Variants in COPS7B observed in about 807,000 individuals in gnomAD.
COPS7B encodes COP9 signalosome subunit 7B.
In COPS7B, 9 loss-of-function variants were observed where a neutral mutation model predicts 33.4. The observed-to-expected ratio is 0.27, with a 90% CI of 0.16 to 0.47. COPS7B has a LOEUF of 0.47. Ranked by LOEUF, COPS7B falls within the 20% of genes least tolerant of loss-of-function variation. The pLI, the probability that COPS7B is intolerant of heterozygous loss-of-function variation, is 0.99. For missense variants in COPS7B, 242 were observed against 318.2 expected (o/e 0.76, Z 1.82); for synonymous variants, 119 against 126.3 (o/e 0.94, Z 0.39).
At chr2:231,792,990 A>T (rs1447948757) in intron 3 of COPS7B, among the ~76,000 whole-genome samples, 1 of 152,024 alleles carries the variant, frequency 6.6e-6, no homozygotes, top group Non-Finnish European at 1.5e-5. Flanking sequence ...GTTCCAGGGA[A>T]TGTGTTCTGT....
In COPS7B at chr2:231,808,057, G is replaced by A. The variant is rs2049946880; in HGVS notation, c.*412G>A. On this transcript the variant is annotated 3_prime_UTR_variant, in exon 7 of 7. Coordinates refer to ENST00000350033, the MANE Select transcript of COPS7B (RefSeq NM_022730.4). ...AGGAGGCCCCTCCCCTTGTGAGGAG[G>A]GGGCACTCCTCTCCAGCCCCTGGTA... is the stretch of plus-strand genomic sequence containing the variant. 1 of 194,666 alleles carries A rather than the reference G, an allele frequency of 5.1e-6. No homozygotes were observed. The highest frequency in any genetic ancestry group is 1.1e-5 in the Non-Finnish European group (1 of 94,862). The allele number at this position is 194,666 out of a possible 1,614,324, so 12.1% of individuals were successfully genotyped here. A position where few individuals can be genotyped will look rare whatever the true frequency, so the allele number is the denominator to read the frequency against.
chr2:231,792,871 G>A (rs2049458364), intron 3 of COPS7B, among the ~76,000 whole-genome samples: 1 of 152,064 alleles, frequency 6.6e-6, no homozygotes, highest in Admixed American at 6.6e-5. Context: ...CCTTCGCTGC[G>A]ATATCCCTGA....
chr2:231,795,328 G>T (rs2049536916), intron 4 of COPS7B, among the ~76,000 whole-genome samples: 1 of 152,198 alleles, frequency 6.6e-6, no homozygotes, highest in Non-Finnish European at 1.5e-5. Context: ...CTCCCAAAGT[G>T]TTGGGATTAC....
chr2:231,792,363 G>C (rs1330890610), intron 3 of COPS7B: 1 of 251,064 alleles, frequency 4.0e-6, no homozygotes, highest in Non-Finnish European at 7.9e-6. Context: ...GTGGTGGTGG[G>C]CGCCTGTAAT....
chr2:231,788,906 C>T (rs555222022), intron 2 of COPS7B, 174 bp downstream of exon 2: 1 of 550,434 alleles, frequency 1.8e-6, no homozygotes, highest in African/African-American at 1.9e-5. Context: ...CTCCTTTTAT[C>T]CAGTATTTTT....
intron 2 of COPS7B, chr2:231,789,713 C>T (rs1022260817): frequency 1.3e-5 from 2 of 152,316 alleles, no homozygotes; most frequent in African/African-American, 2.4e-5. Context: ...ACCACAACAC[C>T]TTTGCTGTTG....
chr2:231,792,038 CTTGT>C, intron 3 of COPS7B: 1 of 665,840 alleles, frequency 1.5e-6, no homozygotes, highest in Non-Finnish European at 2.8e-6. Context: ...AAATGTAGCC[CTTGT>C]TTGTTTTCCA....
chr2:231,803,083 T>C (rs117784023), intron 6 of COPS7B, among the ~76,000 whole-genome samples: 4 of 152,340 alleles, frequency 2.6e-5, no homozygotes, highest in East Asian at 3.9e-4. Context: ...AGCAGTCTTA[T>C]TGGAGGAGTG....
At chr2:231,798,711 G>A (rs1410107738) in intron 5 of COPS7B, 148 bp from the exon 6 acceptor site, 3 of 629,334 alleles carry the variant, frequency 4.8e-6, no homozygotes, top group Non-Finnish European at 8.5e-6. Flanking sequence ...CTTTGGGAAG[G>A]AGTGAACGGG....
At chr2:231,781,711 T>G, upstream of COPS7B, 1 of 822,166 alleles carries the variant, frequency 1.2e-6, no homozygotes. Context: ...TAACTTAGAC[T>G]CCAGTGTGCC....
chr2:231,800,740 G>A (rs890978837), intron 6 of COPS7B, among the ~76,000 whole-genome samples: 2 of 152,188 alleles, frequency 1.3e-5, no homozygotes, highest in African/African-American at 4.8e-5. Flanking sequence ...TGGCGGTAAG[G>A]ATTTAAGTTT....
At chr2:231,798,827 C>T (rs550212349) in intron 5 of COPS7B, 32 bp from the exon 6 acceptor site, 3 of 1,579,166 alleles carry the variant, frequency 1.9e-6, no homozygotes, top group East Asian at 2.2e-5. Context: ...CCAGGCCATT[C>T]TGCAGCTCAG....
chr2:231,786,563 C>A lies in COPS7B; in HGVS notation c.-17+25C>A, dbSNP rs1349325826. On this transcript the variant is annotated intron_variant, in intron 1 of 6. Coordinates refer to ENST00000350033, the MANE Select transcript of COPS7B (RefSeq NM_022730.4). ...GGTAGGAGCTAGCGAGAGGGTGGGC[C>A]GAGCGGGGCCGGCGCTCCAGGCTCG... 1.0e-5 allele frequency: 10 copies of A among 962,540 alleles called. No homozygotes were observed. The East Asian group carries it at 1.0e-3, about 100-fold the overall frequency. 59.6% of individuals were successfully genotyped at this position (962,540 alleles called of 1,614,324 possible). A position where few individuals can be genotyped will look rare whatever the true frequency, so the allele number is the denominator to read the frequency against.
At position 231,786,490 on chromosome 2, in the gene COPS7B, C is replaced by G; in HGVS notation, c.-65C>G. The G allele has an allele frequency of 1.0e-6, 1 of 985,912 alleles. No homozygotes were observed. Among genetic ancestry groups the G allele is most frequent in the African/African-American group, 1.7e-5 (1 of 57,358 alleles). 61.1% of individuals were successfully genotyped at this position (985,912 alleles called of 1,614,324 possible). The stretch of plus-strand genomic sequence containing the variant: ...ACGCTTGACAACCTGCGGGCAGGCG[C>G]CGGGAGGCCGAGCCAGCGACTAAGA... On this transcript the variant is annotated 5_prime_UTR_variant, in exon 1 of 7. Coordinates refer to ENST00000350033, the MANE Select transcript of COPS7B (RefSeq NM_022730.4).
chr2:231,795,972 C>T, intron 4 of COPS7B, 134 bp from the exon 5 acceptor site: 1 of 667,294 alleles, frequency 1.5e-6, no homozygotes, highest in Admixed American at 2.7e-5. Context: ...CTCTTGTTGC[C>T]CTAGCTATTA....
intron 6 of COPS7B, chr2:231,801,300 A>G (rs561091581): frequency 1.1e-5 from 17 of 1,529,224 alleles, no homozygotes; most frequent in South Asian, 7.4e-5. Flanking sequence ...CTTTTGTGGA[A>G]ATAACCCATA....
chr2:231,788,007 G>A (rs994893059), intron 1 of COPS7B, among the ~76,000 whole-genome samples: 6 of 152,204 alleles, frequency 3.9e-5, no homozygotes, highest in African/African-American at 1.4e-4. Context: ...CTGGAGGAGG[G>A]ACAGGTGGAA....
chr2:231,791,649 C>A, intron 2 of COPS7B, 84 bp from the exon 3 acceptor site: 1 of 1,157,968 alleles, frequency 8.6e-7, no homozygotes, highest in Non-Finnish European at 1.3e-6. Context: ...GCATCTTTGA[C>A]ACATGCTCAC....
chr2:231,804,872 A>G (rs2049846842), intron 6 of COPS7B, among the ~76,000 whole-genome samples: 1 of 152,348 alleles, frequency 6.6e-6, no homozygotes, highest in South Asian at 2.1e-4. Flanking sequence ...GGTAACTGAC[A>G]TGCAAATAAA....
Sources: gnomAD v4.1 joint callset for allele counts (sites outside exome capture counted in the v4.1 genomes callset) on GRCh38, gnomAD v4.1.1 for gene constraint, MANE v1.5 for transcripts, NCBI Gene and HGNC (gene_info 2026-07-23, HGNC 2026-07-21) for gene names.